Variants in NHSL1 observed in about 807,000 individuals in gnomAD.
The protein encoded by NHSL1 is NHS-like protein 1.
Under a neutral mutation model 95.0 loss-of-function variants are expected in NHSL1, and 48 were observed. The observed-to-expected ratio is 0.51, with a 90% CI of 0.40 to 0.64. The LOEUF (loss-of-function observed/expected upper bound fraction) is 0.64, where lower values mean the gene tolerates loss of function less well. Ranked by LOEUF, NHSL1 falls within the 30% of genes least tolerant of loss-of-function variation. NHSL1 has a pLI of 0.00. For missense variants in NHSL1, 1,971 were observed against 2,077.7 expected (o/e 0.95, Z 1.00); for synonymous variants, 783 against 833.9 (o/e 0.94, Z 1.05).
At chr6:138,681,309 G>T (rs1785508732) in intron 1 of NHSL1, among the ~76,000 whole-genome samples, 1 of 152,240 alleles carries the variant, frequency 6.6e-6, no homozygotes, top group African/African-American at 2.4e-5. Flanking sequence ...GTGGGGAGTT[G>T]ATGCTGGACA....
chr6:138,511,412 ATG>A (rs775957774), intron 1 of NHSL1, among the ~76,000 whole-genome samples: 4 of 148,984 alleles, frequency 2.7e-5, no homozygotes, highest in East Asian at 2.0e-4. Flanking sequence ...GTGTGTGTGT[ATG>A]TGTGTGTGTG....
intron 3 of NHSL1, among the ~76,000 whole-genome samples, chr6:138,471,563 C>T (rs1031945601): frequency 2.6e-5 from 4 of 152,086 alleles, no homozygotes; most frequent in Non-Finnish European, 5.9e-5. Context: ...AAATACCTTT[C>T]AAGAAATAGG....
intron 3 of NHSL1, among the ~76,000 whole-genome samples, chr6:138,469,854 T>G (rs1423255570): frequency 6.6e-6 from 1 of 152,156 alleles, no homozygotes; most frequent in Non-Finnish European, 1.5e-5. Context: ...TCGAATTGGC[T>G]ACGTTATAGT....
rs769539737 is a variant in NHSL1 at position 138,692,096 on chromosome 6, G to C, written c.96+380C>G. ...TATGCCCAAATTTATATTCTCCCCT[G>C]GCTTTTCCAACAGGCTACCTGCCTG... On this transcript the variant is annotated intron_variant, in intron 1 of 3. Coordinates refer to the NHSL1 transcript ENST00000491526. This position sits in a 1 kb window ranked among gnomAD's most constrained non-coding sequence, Gnocchi z 4.0. 1.1e-5 allele frequency: 5 copies of C among 456,408 alleles called. No individual in the cohort carries two copies. The highest frequency in any genetic ancestry group is 7.7e-5 in the South Asian group (5 of 64,564). 28.3% of individuals were successfully genotyped at this position (456,408 alleles called of 1,614,324 possible).
chr6:138,612,167 A>T (rs1415852586), intron 1 of NHSL1, among the ~76,000 whole-genome samples: 1 of 150,898 alleles, frequency 6.6e-6, no homozygotes, highest in Non-Finnish European at 1.5e-5. Context: ...TGCTGATGGG[A>T]GGGTATATTA....
Position 138,439,321 on chromosome 6 carries a change from A to T in NHSL1, c.664+2662T>A, listed in dbSNP as rs187487256. Among the ~76,000 whole-genome samples, 4 of 152,222 alleles carry T rather than the reference A, an allele frequency of 2.6e-5. No homozygotes were observed. In the East Asian group the frequency reaches 5.8e-4, roughly 22 times the overall value. On this transcript the variant is annotated intron_variant, in intron 5 of 7. Coordinates refer to ENST00000343505, the MANE Select transcript of NHSL1 (RefSeq NM_001144060.2). ...TTCTTTTTTGTCTAATTTGTTTGTT[A>T]TACTTCCCTTGTGTGTCTTATATCT...
chr6:138,538,416 T>C (rs1325742106), intron 1 of NHSL1, among the ~76,000 whole-genome samples: 1 of 152,194 alleles, frequency 6.6e-6, no homozygotes, highest in Non-Finnish European at 1.5e-5. Context: ...ACTCTCAGTG[T>C]CTGGTATAAC....
intron 2 of NHSL1, among the ~76,000 whole-genome samples, chr6:138,489,837 AGAGAGAGG>A (rs1239185648): frequency 6.6e-5 from 5 of 75,952 alleles, no homozygotes; most frequent in South Asian, 5.4e-4. Context: ...AGAGAGAGAG[AGAGAGAGG>A]GAGAGAGGGA....
intron 3 of NHSL1, among the ~76,000 whole-genome samples, chr6:138,469,739 CA>C (rs1300202955): frequency 6.6e-6 from 1 of 151,886 alleles, no homozygotes. Context: ...GTCTCAAAAA[CA>C]AAAAACAAAA....
chr6:138,480,627 T>A (rs981000016), intron 2 of NHSL1, among the ~76,000 whole-genome samples: 2 of 152,226 alleles, frequency 1.3e-5, no homozygotes, highest in Admixed American at 1.3e-4. Flanking sequence ...TATCATATTT[T>A]AAAAACTGAA....
intron 1 of NHSL1, among the ~76,000 whole-genome samples, chr6:138,660,554 T>C (rs895441484): frequency 6.6e-5 from 10 of 150,840 alleles, no homozygotes; most frequent in African/African-American, 2.2e-4. Context: ...GGCAGGAGAA[T>C]GGCATGAACC....
At chr6:138,518,972 C>A (rs1484193306) in intron 1 of NHSL1, among the ~76,000 whole-genome samples, 2 of 152,030 alleles carry the variant, frequency 1.3e-5, no homozygotes, top group African/African-American at 4.8e-5. Flanking sequence ...GAGCCAAGAT[C>A]GCACCACTGC....
chr6:138,673,645 T>G (rs976501169), intron 1 of NHSL1, among the ~76,000 whole-genome samples: 1 of 152,160 alleles, frequency 6.6e-6, no homozygotes, highest in Non-Finnish European at 1.5e-5. Flanking sequence ...AAATGTGACC[T>G]CTCATTACTT....
At chr6:138,639,454 C>A (rs9495172) in intron 1 of NHSL1, among the ~76,000 whole-genome samples, 2 of 151,462 alleles carry the variant, frequency 1.3e-5, no homozygotes, top group South Asian at 4.2e-4. Context: ...CTGGCTAGCA[C>A]GGTGAAACCC....
chr6:138,600,630 T>C (rs1448988249), intron 1 of NHSL1, among the ~76,000 whole-genome samples: 1 of 152,258 alleles, frequency 6.6e-6, no homozygotes, highest in Non-Finnish European at 1.5e-5. Context: ...GAAATTACTA[T>C]CAATTTAAAT....
intron 1 of NHSL1, among the ~76,000 whole-genome samples, chr6:138,559,680 A>G (rs1018821757): frequency 2.6e-5 from 4 of 152,252 alleles, no homozygotes; most frequent in East Asian, 1.9e-4. Context: ...GCTATGTGAT[A>G]CACATGCATA....
intron 1 of NHSL1, among the ~76,000 whole-genome samples, chr6:138,593,336 C>A (rs146550998): frequency 6.6e-6 from 1 of 152,330 alleles, no homozygotes; most frequent in Non-Finnish European, 1.5e-5. Context: ...CGTGATTCCC[C>A]GTTCATAGTC....
chr6:138,499,378 A>G lies in NHSL1; in HGVS notation c.-88T>C, dbSNP rs898429132. On this transcript the variant is annotated 5_prime_UTR_variant, in exon 1 of 8. Coordinates refer to ENST00000343505, the MANE Select transcript of NHSL1 (RefSeq NM_001144060.2). The stretch of plus-strand genomic sequence containing the variant: ...AGGTGGCAAGCTTCGTCCTTCTGCT[A>G]CAGATTCTAACTTTTTCTTCCCCCG... 6.6e-7 allele frequency: 1 copy of G among 1,518,322 alleles called. No homozygotes were observed. The highest frequency in any genetic ancestry group is 1.2e-5 in the South Asian group (1 of 81,156). The allele number at this position is 1,518,322 out of a possible 1,614,324, so 94.1% of individuals were successfully genotyped here. A position where few individuals can be genotyped will look rare whatever the true frequency, so the allele number is the denominator to read the frequency against.
In NHSL1 at chr6:138,433,401, C is replaced by T. The variant is rs1302907000; in HGVS notation, c.944G>A (p.Arg315His). ...SDSAGIVFPS[R>H]LDSDAGFHSL... The stretch of plus-strand genomic sequence containing the variant: ...ATGGAAGCCAGCATCACTGTCAAGG[C>T]GGGAAGGGAATACGATCCCTGCAGA... Residue 315 changes from arginine to histidine, a missense_variant, in exon 6 of 8, where the codon CGC becomes CAC. Physicochemically the swap from Arg to His is conservative, Grantham distance 29. Transcript: ENST00000343505. 9 of 1,552,162 alleles carry T rather than the reference C, an allele frequency of 5.8e-6. No homozygotes were observed. The Middle Eastern group carries it at 5.0e-4, about 86-fold the overall frequency.
Sources: allele counts gnomAD v4.1 joint callset (sites outside exome capture counted in the v4.1 genomes callset), GRCh38; gene constraint gnomAD v4.1.1; non-coding constraint Gnocchi (gnomAD v3.1); transcripts MANE v1.5; gene names NCBI Gene and HGNC (gene_info 2026-07-23, HGNC 2026-07-21).